Variants in NCOR2 observed in about 807,000 individuals in gnomAD.
NCOR2 encodes nuclear receptor corepressor 2.
In NCOR2, 81 loss-of-function variants were observed where a neutral mutation model predicts 262.9. The observed-to-expected ratio is 0.31, with a 90% CI of 0.26 to 0.37. The LOEUF (loss-of-function observed/expected upper bound fraction) is 0.37. NCOR2 is among the 10% of genes least tolerant of loss of function. The pLI is 1.00. For synonymous variants in NCOR2, 1,659 were observed against 1,559.3 expected, an observed-to-expected ratio of 1.06 and a Z score of -1.51; for missense variants, 3,385 against 3,621.4, an observed-to-expected ratio of 0.93 and a Z score of 1.68.
At chr12:124,506,639 G>A (rs915630734) in intron 1 of NCOR2, among the ~76,000 whole-genome samples, 5 of 152,032 alleles carry the variant, frequency 3.3e-5, no homozygotes, top group African/African-American at 9.7e-5. Flanking sequence ...CATTACGCCT[G>A]GTTCTGCCGC....
At chr12:124,472,530 G>T (rs1169188755) in intron 4 of NCOR2, among the ~76,000 whole-genome samples, 1 of 152,166 alleles carries the variant, frequency 6.6e-6, no homozygotes, top group African/African-American at 2.4e-5. Flanking sequence ...GCACAGAGAA[G>T]GGACTGCCCA....
At chr12:124,427,719 G>A (rs2043636735) in intron 10 of NCOR2, among the ~76,000 whole-genome samples, 1 of 152,252 alleles carries the variant, frequency 6.6e-6, no homozygotes. Context: ...GATACGGAAC[G>A]GCGACCTTCC....
rs1244085 is a variant in NCOR2 at position 124,344,709 on chromosome 12, A to G, written c.4602T>C (p.Gly1534=). Residue 1534 remains glycine, a synonymous_variant, in exon 32 of 47, where the codon GGT becomes GGC. Coordinates refer to ENST00000405201, the Ensembl canonical transcript of NCOR2. ...AGGTCAGGGGGCTCTGCCGCGGCTT[A>G]CCCAGCTCAGGCACAATGACCGGGG... is the stretch of plus-strand genomic sequence containing the variant. 0.68 allele frequency: 1,049,120 copies of G among 1,536,312 alleles called. 363,074 individuals are homozygous for G. Among genetic ancestry groups the G allele is most frequent in the Middle Eastern group, 0.73 (4,302 of 5,906 alleles).
At chr12:124,484,837 G>C (rs1274655938) in intron 2 of NCOR2, among the ~76,000 whole-genome samples, 2 of 152,248 alleles carry the variant, frequency 1.3e-5, no homozygotes, top group African/African-American at 4.8e-5. Context: ...ACGCAGGGTG[G>C]TTCACCTGTC....
chr12:124,559,119 G>A (rs563301154), intron 1 of NCOR2, among the ~76,000 whole-genome samples: 10 of 152,254 alleles, frequency 6.6e-5, no homozygotes, highest in East Asian at 5.8e-4. Context: ...CTGGTCACCC[G>A]GGTCTGGTCC....
intron 1 of NCOR2, among the ~76,000 whole-genome samples, chr12:124,561,006 A>G (rs894519724): frequency 2.0e-5 from 3 of 152,242 alleles, no homozygotes; most frequent in African/African-American, 7.2e-5. Context: ...CCACTTAGAG[A>G]AAGCAGATAG....
chr12:124,383,559 G>A (rs1354295877), intron 17 of NCOR2: 4 of 441,340 alleles, frequency 9.1e-6, no homozygotes, highest in Non-Finnish European at 1.3e-5. Context: ...GGGGGCCTCA[G>A]GTGGCCCTGA....
intron 38 of NCOR2, chr12:124,335,860 CAG>C (rs2035835729): frequency 7.3e-6 from 4 of 549,858 alleles, no homozygotes; most frequent in Admixed American, 6.2e-5. Flanking sequence ...CAGAGACAGA[CAG>C]AGAGGGAGAC....
chr12:124,344,318 G>C (rs1205850239), intron 32 of NCOR2, among the ~76,000 whole-genome samples: 1 of 152,220 alleles, frequency 6.6e-6, no homozygotes, highest in African/African-American at 2.4e-5. Context: ...TGCATTTTTA[G>C]AAAGTATCCG....
intron 16 of NCOR2, among the ~76,000 whole-genome samples, chr12:124,392,043 C>T (rs1005177011): frequency 3.9e-5 from 6 of 152,204 alleles, no homozygotes; most frequent in Non-Finnish European, 7.3e-5. Context: ...TGTATGCGTG[C>T]GTGTGTACAC....
rs2048871235 is a variant in NCOR2 at position 124,503,613 on chromosome 12, C to CGGATGGACGGACGGACGGATGGAT, written c.-117-8246_-117-8245insATCCATCCGTCCGTCCGTCCATCC. Among the ~76,000 whole-genome samples the CGGATGGACGGACGGACGGATGGAT allele has an allele frequency of 7.2e-6, 1 of 139,104 alleles. No homozygotes were observed. The highest frequency in any genetic ancestry group is 2.8e-5 in the African/African-American group (1 of 36,130). The allele number at this position is 139,104 out of a possible 152,430, so 91.3% of individuals were successfully genotyped here. A position where few individuals can be genotyped will look rare whatever the true frequency, so the allele number is the denominator to read the frequency against. ...ACGGATGGATGGATGGACGGACGGA[C>CGGATGGACGGACGGACGGATGGAT]GGATGGATGGATGGATGGATGGGCG... On this transcript the variant is annotated intron_variant, in intron 1 of 46. Coordinates refer to the NCOR2 transcript ENST00000404621. The surrounding 1 kb of genome is among the most constrained non-coding windows in gnomAD (Gnocchi z 4.3).
At chr12:124,333,161 G>T (rs1251692188) in exon 42 of NCOR2, 1 of 1,611,682 alleles carries the variant, frequency 6.2e-7, no homozygotes, top group South Asian at 1.1e-5. Flanking sequence ...TCCCGGTACA[G>T]CAGCGGGTAC....
At chr12:124,554,874 C>T (rs563066187) in intron 1 of NCOR2, among the ~76,000 whole-genome samples, 5 of 152,376 alleles carry the variant, frequency 3.3e-5, no homozygotes, top group South Asian at 2.1e-4. Context: ...CAGAGCTGGC[C>T]GCAGCCTGGG....
chr12:124,397,883 G>A (rs535622135), intron 16 of NCOR2, among the ~76,000 whole-genome samples: 20 of 152,248 alleles, frequency 1.3e-4, no homozygotes, highest in Admixed American at 1.2e-3. Context: ...TCTGAGCTGC[G>A]CCCTCAAGTC....
rs1392682047 is a variant in NCOR2, at chr12:124,504,432, T to C, written c.-117-9064A>G. 6.6e-6 allele frequency among the ~76,000 whole-genome samples: 1 copy of C among 152,074 alleles called. No homozygotes were observed. Among genetic ancestry groups the C allele is most frequent in the Non-Finnish European group, 1.5e-5 (1 of 68,036 alleles). ...TCTCCTAATGAGGGCTGCTCACACA[T>C]TGCGGGTGGGAATGTCAGATGTGCA... On this transcript the variant is annotated intron_variant, in intron 1 of 46. Coordinates refer to the NCOR2 transcript ENST00000404621. This position sits in a 1 kb window ranked among gnomAD's most constrained non-coding sequence, Gnocchi z 4.5.
intron 5 of NCOR2, among the ~76,000 whole-genome samples, chr12:124,460,132 C>T (rs778081006): frequency 7.2e-5 from 11 of 152,192 alleles, no homozygotes; most frequent in Non-Finnish European, 1.6e-4. Flanking sequence ...TAAGGGTCTG[C>T]GTCCCACTGT....
chr12:124,489,598 G>A (rs936322486), intron 1 of NCOR2, among the ~76,000 whole-genome samples: 2 of 152,158 alleles, frequency 1.3e-5, no homozygotes, highest in East Asian at 3.9e-4. Context: ...AGAAAGGGAG[G>A]CAGGAAAAAG....
At chr12:124,385,997 G>A in intron 16 of NCOR2, 110 bp from the exon 19 acceptor site, 1 of 1,345,294 alleles carries the variant, frequency 7.4e-7, no homozygotes, top group Non-Finnish European at 1.0e-6. Context: ...CCAGCCTGGG[G>A]CTCCCTGCTC....
At position 124,509,235 on chromosome 12, in the gene NCOR2, TG is replaced by T. The variant is rs1555234131; in HGVS notation, c.-117-13868del. 8.9e-3 allele frequency among the ~76,000 whole-genome samples: 488 copies of T among 55,070 alleles called. 52 individuals are homozygous for T. Among genetic ancestry groups the T allele is most frequent in the African/African-American group, 0.028 (376 of 13,362 alleles). The allele number at this position is 55,070 out of a possible 152,430, so 36.1% of individuals were successfully genotyped here. A position where few individuals can be genotyped will look rare whatever the true frequency, so the allele number is the denominator to read the frequency against. On this transcript the variant is annotated intron_variant, in intron 1 of 46. Coordinates refer to the NCOR2 transcript ENST00000404621. Reference sequence around the variant, plus strand: ...CCAGCCAAAGTGGCACTGGCTTTGGTGGGGGGGGGGGGGGCTTAACTCTGAA... The same window carrying T: ...CCAGCCAAAGTGGCACTGGCTTTGGTGGGGGGGGGGGGGCTTAACTCTGAA...
Sources: allele counts gnomAD v4.1 joint callset (sites outside exome capture counted in the v4.1 genomes callset), GRCh38; gene constraint gnomAD v4.1.1; non-coding constraint Gnocchi (gnomAD v3.1); transcripts MANE v1.5; gene names NCBI Gene and HGNC (gene_info 2026-07-23, HGNC 2026-07-21).